COL23A1: variants seen among roughly 807,000 people sequenced by gnomAD.
The protein encoded by COL23A1 is collagen type XXIII alpha 1 chain.
COL23A1 carries 97 observed loss-of-function variants against 99.3 expected under a neutral mutation model. The ratio of observed to expected loss-of-function variants is 0.98; its 90% CI spans 0.83 to 1.16. The LOEUF (loss-of-function observed/expected upper bound fraction) is 1.16. Among genes scored for constraint, COL23A1 ranks in the 50% most tolerant of loss-of-function variants. The pLI is 0.00. For synonymous variants in COL23A1, 320 were observed against 308.2 expected (o/e 1.04, Z -0.40); for missense variants, 762 against 757.4 (o/e 1.01, Z -0.07).
At position 178,249,107 on chromosome 5, in the gene COL23A1, AGCCACATACCGGGAG is replaced by A. The variant is rs1208872073; in HGVS notation, c.1144_1149+9del. The A allele has an allele frequency of 6.2e-7, 1 of 1,613,160 alleles. No individual in the cohort carries two copies. The highest frequency in any genetic ancestry group is 8.5e-7 in the Non-Finnish European group (1 of 1,179,150). ...GGAGGCGTAATGTGTGGCCCAACCCAGCCACATACCGGGAGGCCGGACAAGCCCATCTCGCCTGCT... is the reference window on the plus strand; with the variant it reads ...GGAGGCGTAATGTGTGGCCCAACCCAGCCGGACAAGCCCATCTCGCCTGCT... On this transcript the variant is annotated splice_donor_variant and splice_donor_5th_base_variant and coding_sequence_variant and intron_variant, in exon 19 of 29. Coordinates refer to ENST00000390654, the MANE Select transcript of COL23A1 (RefSeq NM_173465.4). LOFTEE classifies it high-confidence loss of function.
At chr5:178,511,077 T>G (rs1416410951) in intron 2 of COL23A1, among the ~76,000 whole-genome samples, 1 of 152,218 alleles carries the variant, frequency 6.6e-6, no homozygotes, top group Non-Finnish European at 1.5e-5. Context: ...TTATTAAAAT[T>G]ATTATTGTAA....
At chr5:178,518,865 G>A (rs1328393169) in intron 2 of COL23A1, among the ~76,000 whole-genome samples, 2 of 149,218 alleles carry the variant, frequency 1.3e-5, no homozygotes, top group Admixed American at 6.7e-5. Flanking sequence ...GGCGCTCGCC[G>A]GCGCGGCGGC....
At chr5:178,373,508 C>A (rs1762911526) in intron 2 of COL23A1, among the ~76,000 whole-genome samples, 1 of 152,212 alleles carries the variant, frequency 6.6e-6, no homozygotes, top group South Asian at 2.1e-4. Context: ...CCTCCGCCTC[C>A]CAGGTTCAAG....
At chr5:178,541,993 G>C (rs115320893) in intron 2 of COL23A1, among the ~76,000 whole-genome samples, 25 of 152,286 alleles carry the variant, frequency 1.6e-4, no homozygotes, top group African/African-American at 5.5e-4. Flanking sequence ...GCAAACTTAC[G>C]ATATGTGCTC....
At chr5:178,292,237 CTGCACCTGCCCT>C (rs1757501053) in intron 3 of COL23A1, among the ~76,000 whole-genome samples, 1 of 152,020 alleles carries the variant, frequency 6.6e-6, no homozygotes, top group South Asian at 2.1e-4. Context: ...GCACCTGCCC[CTGCACCTGCCCT>C]CCTCTCCATG....
rs1414532955 is a variant in COL23A1, at chr5:178,246,466, G to A, written c.1297-13C>T. The A allele has an allele frequency of 1.3e-6, 2 of 1,559,618 alleles. No individual in the cohort carries two copies. Among genetic ancestry groups the A allele is most frequent in the Admixed American group, 1.9e-5 (1 of 51,924 alleles). Reference sequence around the variant, plus strand: ...CTCCATCCAAGCCCTGGAGGCAAAGGAGGGAAATCAGTCAAGGGGAAGGGG... The same window carrying A: ...CTCCATCCAAGCCCTGGAGGCAAAGAAGGGAAATCAGTCAAGGGGAAGGGG... On this transcript the variant is annotated splice_polypyrimidine_tract_variant and intron_variant, in intron 22 of 28. Coordinates refer to ENST00000390654, the MANE Select transcript of COL23A1 (RefSeq NM_173465.4).
intron 1 of COL23A1, among the ~76,000 whole-genome samples, chr5:178,577,611 G>GC (rs1288304374): frequency 6.6e-6 from 1 of 152,154 alleles, no homozygotes; most frequent in South Asian, 2.1e-4. Context: ...ACCCGCGCCT[G>GC]CCCCCCGCTG....
At chr5:178,262,299 T>C (rs186559263) in intron 9 of COL23A1, 47 bp from the exon 10 acceptor site, 76 of 1,554,940 alleles carry the variant, frequency 4.9e-5, no homozygotes, top group Admixed American at 1.9e-4. Flanking sequence ...GGATGTCACA[T>C]TGAACTGAGC....
At chr5:178,353,550 A>G (rs1249571330) in intron 2 of COL23A1, among the ~76,000 whole-genome samples, 1 of 152,246 alleles carries the variant, frequency 6.6e-6, no homozygotes. Context: ...AAGGAAACGT[A>G]AGTTTCTCTG....
chr5:178,528,342 T>C (rs897841374), intron 2 of COL23A1, among the ~76,000 whole-genome samples: 4 of 152,172 alleles, frequency 2.6e-5, no homozygotes, highest in African/African-American at 9.6e-5. Flanking sequence ...GCTGCCCCCT[T>C]TTCTGCTAAT....
chr5:178,329,142 G>A (rs896015627), intron 2 of COL23A1, among the ~76,000 whole-genome samples: 7 of 152,158 alleles, frequency 4.6e-5, no homozygotes, highest in Non-Finnish European at 1.0e-4. Context: ...TCTGCTCACT[G>A]TCCCCCATAG....
intron 25 of COL23A1, among the ~76,000 whole-genome samples, chr5:178,244,480 C>A (rs992662320): frequency 2.0e-5 from 3 of 152,168 alleles, no homozygotes; most frequent in Admixed American, 2.0e-4. Flanking sequence ...GACAGTTCAG[C>A]GTTGACCTAA....
chr5:178,323,046 G>A (rs1158414150), intron 2 of COL23A1, among the ~76,000 whole-genome samples: 1 of 152,182 alleles, frequency 6.6e-6, no homozygotes, highest in Non-Finnish European at 1.5e-5. Context: ...GGACGGGGTG[G>A]AGGATGTGGG....
intron 1 of COL23A1, chr5:178,562,353 G>C (rs1452135817): frequency 9.2e-6 from 2 of 216,636 alleles, no homozygotes; most frequent in Admixed American, 5.8e-5. Flanking sequence ...AGGAGATCGA[G>C]ACCATCCTGG....
At position 178,415,134 on chromosome 5, in the gene COL23A1, G is replaced by C. The variant is rs1765238855; in HGVS notation, c.362-108215C>G. ...GTGCTGGTTCTCTCTGCCCCAGTGA[G>C]CTGGGCTGCTTGGATTCAGCCTCTG... On this transcript the variant is annotated intron_variant, in intron 2 of 28. Coordinates refer to ENST00000390654, the MANE Select transcript of COL23A1 (RefSeq NM_173465.4). This position sits in a 1 kb window ranked among gnomAD's most constrained non-coding sequence, Gnocchi z 4.6. Among the ~76,000 whole-genome samples, 2 of 134,896 alleles carry C rather than the reference G, an allele frequency of 1.5e-5. No homozygotes were observed. The highest frequency in any genetic ancestry group is 3.2e-5 in the Non-Finnish European group (2 of 62,190). 88.5% of individuals were successfully genotyped at this position (134,896 alleles called of 152,430 possible).
chr5:178,324,838 C>G (rs1043176102), intron 2 of COL23A1, among the ~76,000 whole-genome samples: 3 of 152,198 alleles, frequency 2.0e-5, no homozygotes, highest in African/African-American at 7.2e-5. Flanking sequence ...AGCAGCATCG[C>G]CACCTACCTG....
At chr5:178,259,853 G>T in intron 11 of COL23A1, 106 bp from the exon 12 acceptor site, 1 of 1,055,536 alleles carries the variant, frequency 9.5e-7, no homozygotes, top group Non-Finnish European at 1.4e-6. Context: ...GATGACCCGT[G>T]CCCAGGGCCA....
At chr5:178,337,612 G>T (rs1349688355) in intron 2 of COL23A1, among the ~76,000 whole-genome samples, 2 of 152,038 alleles carry the variant, frequency 1.3e-5, no homozygotes, top group Non-Finnish European at 2.9e-5. Context: ...GGGCTCTGCC[G>T]GGCTGGGGGA....
intron 2 of COL23A1, among the ~76,000 whole-genome samples, chr5:178,375,460 C>T (rs1246126714): frequency 2.0e-5 from 3 of 152,240 alleles, no homozygotes; most frequent in African/African-American, 7.2e-5. Context: ...AGAACTTGGC[C>T]TTTCTCTCGG....
Sources: gnomAD v4.1 joint callset for allele counts (sites outside exome capture counted in the v4.1 genomes callset) on GRCh38, gnomAD v4.1.1 for gene constraint, Gnocchi (gnomAD v3.1) non-coding constraint, MANE v1.5 for transcripts, NCBI Gene and HGNC (gene_info 2026-07-23, HGNC 2026-07-21) for gene names.